GPLD1: variants seen among roughly 807,000 people sequenced by gnomAD.
GPLD1 encodes the protein glycosylphosphatidylinositol specific phospholipase D1, also known as phosphatidylinositol-glycan-specific phospholipase D.
In GPLD1, 84 loss-of-function variants were observed where a neutral mutation model predicts 112.6. The observed-to-expected ratio is 0.75, with a 90% CI of 0.63 to 0.89. The LOEUF is 0.89. Ranked by LOEUF, GPLD1 falls within the 40% of genes least tolerant of loss-of-function variation. The pLI is 0.00. For synonymous variants in GPLD1, 386 were observed against 403.8 expected (o/e 0.96, Z 0.53); for missense variants, 1,044 against 1,051.5 (o/e 0.99, Z 0.10).
intron 22 of GPLD1, among the ~76,000 whole-genome samples, chr6:24,434,025 C>T (rs1762490961): frequency 6.6e-6 from 1 of 151,986 alleles, no homozygotes; most frequent in South Asian, 2.1e-4. Context: ...AAATACTCAT[C>T]AGCCGGTAAA....
At chr6:24,483,836 G>A (rs905876233) in intron 2 of GPLD1, among the ~76,000 whole-genome samples, 12 of 151,262 alleles carry the variant, frequency 7.9e-5, no homozygotes, top group African/African-American at 1.9e-4. Context: ...CTCTGCTTCC[G>A]GGGTTCAAGC....
intron 3 of GPLD1, among the ~76,000 whole-genome samples, chr6:24,477,113 G>C (rs1274404128): frequency 1.3e-5 from 2 of 151,442 alleles, no homozygotes; most frequent in East Asian, 3.9e-4. Flanking sequence ...AACAATTCTT[G>C]TTCTCCAGAA....
rs182438786 is a variant in GPLD1 at position 24,477,896 on chromosome 6, A to G, written c.233-1618T>C. ...ATGTATGAGACAAGGTAAAATGTGG[A>G]AAAATGCAAAAAAACCTAAGTGGAA... On this transcript the variant is annotated intron_variant, in intron 3 of 24. Transcript: ENST00000230036. Among the ~76,000 whole-genome samples, 50 of 152,364 alleles carry G rather than the reference A, an allele frequency of 3.3e-4. No individual in the cohort carries two copies. In the East Asian group the frequency reaches 8.3e-3, roughly 25 times the overall value.
At chr6:24,473,583 C>A in intron 6 of GPLD1, 36 bp downstream of exon 6, 3 of 1,387,588 alleles carry the variant, frequency 2.2e-6, no homozygotes, top group Non-Finnish European at 3.1e-6. Flanking sequence ...GTGAACTATA[C>A]CACGAGAAAA....
At chr6:24,431,104 C>A (rs998243450) in intron 24 of GPLD1, among the ~76,000 whole-genome samples, 2 of 152,278 alleles carry the variant, frequency 1.3e-5, no homozygotes, top group Middle Eastern at 3.4e-3. Flanking sequence ...CGAGAATCTT[C>A]CCATAAAGTT....
Position 24,454,292 on chromosome 6 carries a change from T to C in GPLD1, c.1149-91A>G, listed in dbSNP as rs940433244. On this transcript the variant is annotated intron_variant, in intron 13 of 24. Transcript: ENST00000230036. ...TCTTTCCTTTCTAGAGCCCAGTCCA[T>C]TAACTTTCTCTCACTGACTTTTCCA... 4.5e-6 allele frequency: 4 copies of C among 881,506 alleles called. No homozygotes were observed. In the African/African-American group the frequency reaches 6.9e-5, roughly 15 times the overall value. The allele number at this position is 881,506 out of a possible 1,614,324, so 54.6% of individuals were successfully genotyped here. A position where few individuals can be genotyped will look rare whatever the true frequency, so the allele number is the denominator to read the frequency against.
chr6:24,430,940 T>C (rs954050509), intron 24 of GPLD1, among the ~76,000 whole-genome samples: 1 of 152,234 alleles, frequency 6.6e-6, no homozygotes, highest in African/African-American at 2.4e-5. Context: ...TTAGATTATA[T>C]ATACCACTAC....
chr6:24,431,506 G>A (rs571792150), intron 24 of GPLD1, among the ~76,000 whole-genome samples: 24 of 151,336 alleles, frequency 1.6e-4, no homozygotes, highest in African/African-American at 4.8e-4. Flanking sequence ...AATGCAATCA[G>A]TGGTTTACAG....
chr6:24,489,404 C>G lies in GPLD1; in HGVS notation c.97+11G>C. ...GTCCTCTCAACAACATAACAAGACACCAGTACTTACCTATTTCTACGTGTG... is the reference window on the plus strand; with the variant it reads ...GTCCTCTCAACAACATAACAAGACAGCAGTACTTACCTATTTCTACGTGTG... On this transcript the variant is annotated intron_variant, in intron 1 of 24. Transcript: ENST00000230036. The G allele has an allele frequency of 6.4e-7, 1 of 1,551,694 alleles. No individual in the cohort carries two copies. The highest frequency in any genetic ancestry group is 8.9e-7 in the Non-Finnish European group (1 of 1,123,274).
At position 24,468,052 on chromosome 6, in the gene GPLD1, G is replaced by A. The variant is rs9467180; in HGVS notation, c.546-778C>T. On this transcript the variant is annotated intron_variant, in intron 7 of 24. Coordinates refer to ENST00000230036, the MANE Select transcript of GPLD1 (RefSeq NM_001503.4). ...CTCCCAAGCAGCTGGGATTACAGGC[G>A]TGTGCCACCACGCCCGGCTAATTTT... Among the ~76,000 whole-genome samples, 1,502 of 152,154 alleles carry A rather than the reference G, an allele frequency of 9.9e-3. 19 individuals are homozygous for A. The highest frequency in any genetic ancestry group is 0.032 in the African/African-American group (1,337 of 41,498).
upstream of GPLD1, among the ~76,000 whole-genome samples, chr6:24,493,007 T>C (rs889184465): frequency 2.6e-5 from 4 of 152,198 alleles, no homozygotes. Context: ...CTAAAAGTTT[T>C]ATGGGCCCTT....
chr6:24,440,065 T>C (rs747048932), intron 20 of GPLD1, among the ~76,000 whole-genome samples: 6 of 151,924 alleles, frequency 3.9e-5, no homozygotes, highest in Non-Finnish European at 7.4e-5. Flanking sequence ...AAAAGAGCTA[T>C]TGTGAAACAC....
chr6:24,495,028 G>C, exon 1 of GPLD1: 1 of 1,345,784 alleles, frequency 7.4e-7, no homozygotes, highest in South Asian at 2.3e-5. Context: ...CGGAGCTGTG[G>C]GGCCCGGCGC....
chr6:24,432,443 T>G (rs1419222501), intron 24 of GPLD1, among the ~76,000 whole-genome samples: 1 of 151,636 alleles, frequency 6.6e-6, no homozygotes, highest in Non-Finnish European at 1.5e-5. Flanking sequence ...ACAAAAAGTT[T>G]TTGAAAAAAT....
At chr6:24,467,044 A>G (rs1440321999) in intron 8 of GPLD1, 105 bp from the exon 9 acceptor site, 1 of 1,128,152 alleles carries the variant, frequency 8.9e-7, no homozygotes, top group Non-Finnish European at 1.3e-6. Flanking sequence ...CCGTCATGCA[A>G]CTGCCTTTGA....
chr6:24,461,698 A>C (rs1763443293), intron 11 of GPLD1, among the ~76,000 whole-genome samples: 1 of 152,028 alleles, frequency 6.6e-6, no homozygotes, highest in Admixed American at 6.6e-5. Flanking sequence ...AGCACCTTGC[A>C]TTTTTTCTTC....
chr6:24,445,776 C>A lies in GPLD1; in HGVS notation c.1876G>T (p.Gly626Cys). Reference sequence around the variant, plus strand: ...CTTTGGCCGTTTGGTGGGAAGTAGCCATACACCCTCCCAAGGCTCTTTTTC... The same window carrying A: ...CTTTGGCCGTTTGGTGGGAAGTAGCAATACACCCTCCCAAGGCTCTTTTTC... ...DEKKSLGRVY[G>C]YFPPNGQSWF... The change falls in exon 19 of 25, where the codon GGC becomes TGC. Residue 626 changes from glycine (G) to cysteine (C), a missense_variant. Transcript: ENST00000230036. 1 of 1,613,888 alleles carries A rather than the reference C, an allele frequency of 6.2e-7. No individual in the cohort carries two copies. The highest frequency in any genetic ancestry group is 8.5e-7 in the Non-Finnish European group (1 of 1,179,952).
rs763751108 is a variant in GPLD1, at chr6:24,467,305, T to A, written c.546-31A>T. On this transcript the variant is annotated intron_variant, in intron 7 of 24. Transcript: ENST00000230036. ...AAATGCAGAATAAAGTAAGAGTTGT[T>A]TTGATTCTGAAGCTGAAAATAGTAA... 3 of 1,191,148 alleles carry A rather than the reference T, an allele frequency of 2.5e-6. No individual in the cohort carries two copies. In the South Asian group the frequency reaches 3.7e-5, roughly 15 times the overall value. 73.8% of individuals were successfully genotyped at this position (1,191,148 alleles called of 1,614,324 possible). A position where few individuals can be genotyped will look rare whatever the true frequency, so the allele number is the denominator to read the frequency against.
Position 24,448,155 on chromosome 6 carries a change from A to C in GPLD1, c.1500T>G (p.Pro500=). The C allele has an allele frequency of 6.2e-7, 1 of 1,611,606 alleles. No individual in the cohort carries two copies. The highest frequency in any genetic ancestry group is 8.5e-7 in the Non-Finnish European group (1 of 1,179,364). ...GSKQGGMSSS[P]NITISCQDIY... ...ATACCTGGCAAGAAATGGTGATGTT[A>C]GGGGAAGAAGACATTCCTCCTTGTT... The change falls in exon 16 of 25, where the codon CCT becomes CCG. Residue 500 remains proline (P), a synonymous_variant. Transcript: ENST00000230036.
Sources: gnomAD v4.1 joint callset for allele counts (sites outside exome capture counted in the v4.1 genomes callset) on GRCh38, gnomAD v4.1.1 for gene constraint, MANE v1.5 for transcripts, NCBI Gene and HGNC (gene_info 2026-07-23, HGNC 2026-07-21) for gene names.